Variants in SMG1 observed in about 807,000 individuals in gnomAD.
The protein encoded by SMG1 is SMG1 nonsense mediated mRNA decay associated PI3K related kinase, also known as serine/threonine-protein kinase SMG1.
A neutral mutation model predicts 419.9 loss-of-function variants in SMG1; 22 were observed. The ratio of observed to expected loss-of-function variants is 0.05; its 90% CI spans 0.04 to 0.07. The LOEUF (loss-of-function observed/expected upper bound fraction) is 0.07, where lower values mean the gene tolerates loss of function less well. Among genes scored for constraint, SMG1 ranks in the 10% least tolerant of loss-of-function variants. The pLI, the probability that SMG1 is intolerant of heterozygous loss-of-function variation, is 1.00. For missense variants in SMG1, 3,185 were observed against 4,342.0 expected, an observed-to-expected ratio of 0.73 and a Z score of 7.49; for synonymous variants, 1,538 against 1,553.5, an observed-to-expected ratio of 0.99 and a Z score of 0.23.
At chr16:18,922,660 G>C (rs903527587) in intron 1 of SMG1, among the ~76,000 whole-genome samples, 2 of 152,110 alleles carry the variant, frequency 1.3e-5, no homozygotes, top group African/African-American at 4.8e-5. Context: ...TATTTTAGTA[G>C]AGACGGGGTT....
rs975189123 is a variant in SMG1 at position 18,925,984 on chromosome 16, T to C, written c.58A>G (p.Lys20Glu). The part of the protein sequence containing the change: ...LSSGGGGGGT[K>E]YPRSWNDWQP... ...CAGTCATTCCAGCTCCGCGGATACT[T>C]GGTGCCGCCGCCGCCGCCGCCGCTG... The change falls in exon 1 of 63, where the codon AAG (lysine) becomes GAG (glutamate). Residue 20 changes from lysine to glutamate, a missense_variant. Physicochemically the swap from Lys to Glu is moderately conservative, Grantham distance 56 (BLOSUM62 1). Around this residue, in one of 27 missense-constraint regions of SMG1, gnomAD observed 88 missense variants for 85.9 expected, o/e 1.02. Coordinates refer to ENST00000446231, the MANE Select transcript of SMG1 (RefSeq NM_015092.5). 6.3e-7 allele frequency: 1 copy of C among 1,577,496 alleles called. No homozygotes were observed.
rs1356751072 is a variant in SMG1, at chr16:18,816,354, C to A, written c.10250G>T (p.Gly3417Val). 2 of 1,613,900 alleles carry A rather than the reference C, an allele frequency of 1.2e-6. No individual in the cohort carries two copies. Among genetic ancestry groups the A allele is most frequent in the South Asian group, 2.2e-5 (2 of 91,082 alleles). Residue 3417 changes from glycine to valine, a missense_variant, in exon 58 of 63, where the codon GGT (glycine) becomes GTT (valine). Around this residue, in one of 27 missense-constraint regions of SMG1, gnomAD observed 737 missense variants for 846.6 expected, o/e 0.87. Transcript: ENST00000446231. ...LVDNIKTVLT[G>V]HNRQLGDVKH... ...GACATCTCCAAGCTGTCGGTTATGA[C>A]CAGTGAGCACAGTCTTTATATTATC...
Position 18,868,516 on chromosome 16 carries a change from A to G in SMG1, c.3030+7T>C, listed in dbSNP as rs2035641761. Reference sequence around the variant, plus strand: ...CTATAAAACAACACTATCTCATGGAAACCAACCTTGGGAGGTGAAGTTAAT... The same window carrying G: ...CTATAAAACAACACTATCTCATGGAGACCAACCTTGGGAGGTGAAGTTAAT... On this transcript the variant is annotated splice_region_variant and intron_variant, in intron 21 of 62. Transcript: ENST00000446231. The G allele has an allele frequency of 2.6e-6, 4 of 1,535,952 alleles. No individual in the cohort carries two copies. The East Asian group carries it at 9.0e-5, about 34-fold the overall frequency.
chr16:18,833,842 T>A (rs948321887), intron 50 of SMG1, among the ~76,000 whole-genome samples: 4 of 152,226 alleles, frequency 2.6e-5, no homozygotes, highest in African/African-American at 7.2e-5. Flanking sequence ...TGTCTAGCTT[T>A]CTTTACTCAG....
chr16:18,904,910 G>A (rs1275843504), intron 1 of SMG1, among the ~76,000 whole-genome samples: 1 of 151,548 alleles, frequency 6.6e-6, no homozygotes, highest in Non-Finnish European at 1.5e-5. Context: ...ATTCCAGCCT[G>A]GGCAACAGAG....
rs1465875947 is a variant in SMG1, at chr16:18,869,929, G to A, written c.2558C>T (p.Pro853Leu). The A allele has an allele frequency of 6.6e-7, 1 of 1,524,438 alleles. No homozygotes were observed. Among genetic ancestry groups the A allele is most frequent in the Non-Finnish European group, 8.9e-7 (1 of 1,118,042 alleles). The allele number at this position is 1,524,438 out of a possible 1,614,324, so 94.4% of individuals were successfully genotyped here. ...LALRSHMSKA[P>L]SNTFHPQDFS... ...ATCTTGGGGGTGGAATGTATTACTT[G>A]GTGCTTTACTCATGTGACTTCTTAA... is the stretch of plus-strand genomic sequence containing the variant. The change falls in exon 19 of 63, where the codon CCA (proline) becomes CTA (leucine). Residue 853 changes from proline to leucine, a missense_variant. This residue lies in a region of SMG1 where 297 missense variants were observed against 491.0 expected (regional missense o/e 0.60). Coordinates refer to ENST00000446231, the MANE Select transcript of SMG1 (RefSeq NM_015092.5).
intron 51 of SMG1, among the ~76,000 whole-genome samples, chr16:18,832,582 GCACACACACACACACA>G (rs3222694): frequency 1.3e-5 from 2 of 148,282 alleles, no homozygotes; most frequent in Non-Finnish European, 3.0e-5. Context: ...CTATACACTT[GCACACACACACACACA>G]CACACACACA....
At chr16:18,866,942 A>C (rs1201776859) in intron 22 of SMG1, among the ~76,000 whole-genome samples, 167 bp from the exon 23 acceptor site, 1 of 152,206 alleles carries the variant, frequency 6.6e-6, no homozygotes, top group Non-Finnish European at 1.5e-5. Flanking sequence ...GTTACATATA[A>C]AATAGCCACA....
At chr16:18,884,795 T>G in intron 8 of SMG1, 1 of 287,344 alleles carries the variant, frequency 3.5e-6, no homozygotes, top group Non-Finnish European at 6.4e-6. Flanking sequence ...ACTTGGATCT[T>G]CCATTGTCCA....
chr16:18,892,983 C>T (rs1192954757), intron 3 of SMG1, among the ~76,000 whole-genome samples: 1 of 152,188 alleles, frequency 6.6e-6, no homozygotes, highest in African/African-American at 2.4e-5. Flanking sequence ...TCTTTGGGTC[C>T]ATTCCAAACT....
rs991392696 is a variant in SMG1 at position 18,805,757 on chromosome 16, A to G, written c.*3812T>C. ...CTACCTCCTTGGCTTATGGGGGGAAAAGTCCTAGTTTTAAATTGCTGGCAT... is the reference window on the plus strand; with the variant it reads ...CTACCTCCTTGGCTTATGGGGGGAAGAGTCCTAGTTTTAAATTGCTGGCAT... On this transcript the variant is annotated 3_prime_UTR_variant, in exon 63 of 63. Transcript: ENST00000446231. 6.6e-6 allele frequency: 1 copy of G among 152,178 alleles called. No individual in the cohort carries two copies. The highest frequency in any genetic ancestry group is 2.4e-5 in the African/African-American group (1 of 41,436). 9.4% of individuals were successfully genotyped at this position (152,178 alleles called of 1,614,324 possible). A position where few individuals can be genotyped will look rare whatever the true frequency, so the allele number is the denominator to read the frequency against.
At chr16:18,922,518 T>C (rs1331820112) in intron 1 of SMG1, among the ~76,000 whole-genome samples, 2 of 152,162 alleles carry the variant, frequency 1.3e-5, no homozygotes, top group African/African-American at 2.4e-5. Context: ...CAGGCTGGAG[T>C]GCAGTGGTGT....
chr16:18,885,340 C>T (rs1258337920), intron 7 of SMG1, 178 bp from the exon 8 acceptor site: 11 of 711,526 alleles, frequency 1.5e-5, no homozygotes, highest in East Asian at 2.7e-5. Context: ...TTTCTGACAA[C>T]AATGAAATAG....
At position 18,838,447 on chromosome 16, in the gene SMG1, A is replaced by G. The variant is rs750721970; in HGVS notation, c.7104T>C (p.Pro2368=). ...CFEKGKSLRV[P]EKVPFRMTQN... ...GTGTCATTCGAAAAGGTACTTTCTC[A>G]GGAACTCTAAGGCTTTTACCTTGAA... The change falls in exon 44 of 63, where the codon CCT becomes CCC. Residue 2368 remains proline, a synonymous_variant. Transcript: ENST00000446231. 6.2e-7 allele frequency: 1 copy of G among 1,614,036 alleles called. No individual in the cohort carries two copies. Among genetic ancestry groups the G allele is most frequent in the Admixed American group, 1.7e-5 (1 of 60,020 alleles).
intron 3 of SMG1, 133 bp from the exon 4 acceptor site, chr16:18,892,487 T>C: frequency 1.5e-6 from 1 of 671,766 alleles, no homozygotes; most frequent in Non-Finnish European, 2.4e-6. Context: ...CCCAGTACTT[T>C]GGAAGGCGGG....
chr16:18,852,492 A>G, intron 31 of SMG1, 30 bp from the exon 32 acceptor site: 1 of 1,462,110 alleles, frequency 6.8e-7, no homozygotes, highest in Non-Finnish European at 9.1e-7. Flanking sequence ...AATAATTATA[A>G]TAAAAGAACT....
At position 18,853,604 on chromosome 16, in the gene SMG1, G is replaced by A. The variant is rs1274947851; in HGVS notation, c.4747C>T (p.Arg1583Trp). Residue 1583 changes from arginine to tryptophan, a missense_variant, in exon 31 of 63, where the codon CGG becomes TGG. Physicochemically the swap from Arg to Trp is moderately radical, Grantham distance 101. Around this residue, in one of 27 missense-constraint regions of SMG1, gnomAD observed 493 missense variants for 552.9 expected, o/e 0.89. Coordinates refer to ENST00000446231, the MANE Select transcript of SMG1 (RefSeq NM_015092.5). ...CTACCTGTAGATTCACTCTCGATCCGAGGATACTCTTCTTCCATCGTATTA... is the reference window on the plus strand; with the variant it reads ...CTACCTGTAGATTCACTCTCGATCCAAGGATACTCTTCTTCCATCGTATTA... ...SVNTMEEEYP[R>W]IESESTVHIG... 7 of 1,603,476 alleles carry A rather than the reference G, an allele frequency of 4.4e-6. No homozygotes were observed. The highest frequency in any genetic ancestry group is 3.4e-5 in the Admixed American group (2 of 58,568).
chr16:18,919,353 G>A (rs917027882), intron 1 of SMG1, among the ~76,000 whole-genome samples: 6 of 146,700 alleles, frequency 4.1e-5, no homozygotes, highest in Admixed American at 1.4e-4. Flanking sequence ...GACCGGGCAC[G>A]GTGGCTCATG....
chr16:18,891,980 T>C (rs1405427486), intron 4 of SMG1, among the ~76,000 whole-genome samples: 5 of 152,194 alleles, frequency 3.3e-5, no homozygotes, highest in Non-Finnish European at 7.3e-5. Flanking sequence ...AGTGGGAGGA[T>C]AGCTTGAATC....
Sources: gnomAD v4.1 joint callset for allele counts (sites outside exome capture counted in the v4.1 genomes callset) on GRCh38, gnomAD v4.1.1 for gene constraint, gnomAD v4.1.1 regional missense constraint, MANE v1.5 for transcripts, NCBI Gene and HGNC (gene_info 2026-07-23, HGNC 2026-07-21) for gene names.